NKAIN2: variants seen among roughly 807,000 people sequenced by gnomAD.
NKAIN2 encodes sodium/potassium transporting ATPase interacting 2.
NKAIN2 carries 14 observed loss-of-function variants against 32.6 expected under a neutral mutation model. The observed-to-expected ratio is 0.43, with a 90% CI of 0.28 to 0.67. The LOEUF is 0.67. NKAIN2 is among the 30% of genes least tolerant of loss of function. The pLI is 0.17. For synonymous variants in NKAIN2, 80 were observed against 87.2 expected, an observed-to-expected ratio of 0.92 and a Z score of 0.46; for missense variants, 198 against 258.3, an observed-to-expected ratio of 0.77 and a Z score of 1.60.
intron 1 of NKAIN2, among the ~76,000 whole-genome samples, chr6:124,172,571 T>C (rs936122940): frequency 3.9e-5 from 6 of 152,174 alleles, no homozygotes; most frequent in Non-Finnish European, 8.8e-5. Context: ...TATATCATTC[T>C]TGTGGAAGGA....
chr6:124,114,825 G>A (rs564427934), intron 1 of NKAIN2, among the ~76,000 whole-genome samples: 16 of 152,130 alleles, frequency 1.1e-4, no homozygotes, highest in Non-Finnish European at 1.6e-4. Flanking sequence ...AAAGGTTGTG[G>A]TCAGAGGGTG....
intron 2 of NKAIN2, among the ~76,000 whole-genome samples, chr6:124,299,984 T>A (rs191147630): frequency 1.9e-4 from 29 of 152,320 alleles, no homozygotes; most frequent in African/African-American, 6.3e-4. Context: ...GACTGGCATA[T>A]CTCAAATCAG....
intron 1 of NKAIN2, among the ~76,000 whole-genome samples, chr6:124,120,437 T>C (rs773071781): frequency 5.3e-5 from 8 of 152,150 alleles, no homozygotes; most frequent in African/African-American, 9.7e-5. Flanking sequence ...TGAAAACTTA[T>C]AGGCAACAGG....
chr6:124,550,767 G>T (rs1780258789), intron 3 of NKAIN2, among the ~76,000 whole-genome samples: 1 of 152,192 alleles, frequency 6.6e-6, no homozygotes, highest in Non-Finnish European at 1.5e-5. Flanking sequence ...ATAGAAACTT[G>T]AGACACTATT....
At chr6:124,408,844 C>G (rs552667255) in intron 3 of NKAIN2, among the ~76,000 whole-genome samples, 33 of 152,252 alleles carry the variant, frequency 2.2e-4, no homozygotes, top group Admixed American at 2.0e-3. Flanking sequence ...GAATGTTCCT[C>G]CATTTGTTTA....
At chr6:124,157,176 T>C (rs982144627) in intron 1 of NKAIN2, among the ~76,000 whole-genome samples, 2 of 146,090 alleles carry the variant, frequency 1.4e-5, no homozygotes, top group Non-Finnish European at 3.0e-5. Flanking sequence ...CACAGAGATA[T>C]TCTTGGGATA....
At position 124,213,910 on chromosome 6, in the gene NKAIN2, C is replaced by T. The variant is rs147267097; in HGVS notation, c.55-69095C>T. Among the ~76,000 whole-genome samples, 1,193 of 152,232 alleles carry T rather than the reference C, an allele frequency of 7.8e-3. 16 individuals carry two copies. Among genetic ancestry groups the T allele is most frequent in the African/African-American group, 0.026 (1,098 of 41,570 alleles). On this transcript the variant is annotated intron_variant, in intron 1 of 6. Transcript: ENST00000368417. ...CAAGGAATATCCACATGAAACTCGG[C>T]ATTTTCAACAATAATGTGAGAAAAT...
chr6:123,894,618 T>C (rs1328498202), intron 1 of NKAIN2, among the ~76,000 whole-genome samples: 1 of 151,832 alleles, frequency 6.6e-6, no homozygotes, highest in South Asian at 2.1e-4. Context: ...GCACCAGTCA[T>C]GGAGAAAGAG....
chr6:123,959,810 G>A (rs1189595025), intron 1 of NKAIN2, among the ~76,000 whole-genome samples: 1 of 151,304 alleles, frequency 6.6e-6, no homozygotes, highest in Non-Finnish European at 1.5e-5. Flanking sequence ...TATGAGGGCT[G>A]TATATGGGGG....
chr6:124,279,456 G>A (rs7752057), intron 1 of NKAIN2, among the ~76,000 whole-genome samples: 12,628 of 143,010 alleles, frequency 0.088, 693 homozygotes, highest in East Asian at 0.18. Context: ...GCAGTGAGCC[G>A]AGATCACACC....
At chr6:124,489,087 A>G (rs914713245) in intron 3 of NKAIN2, among the ~76,000 whole-genome samples, 12 of 152,094 alleles carry the variant, frequency 7.9e-5, no homozygotes, top group Admixed American at 1.3e-4. Context: ...ATTGTCTAGA[A>G]TAATACAAGG....
At chr6:123,917,252 A>AT (rs545034856) in intron 1 of NKAIN2, among the ~76,000 whole-genome samples, 92 of 149,756 alleles carry the variant, frequency 6.1e-4, no homozygotes, top group African/African-American at 2.1e-3. Flanking sequence ...TTTTTTTTTT[A>AT]TTTTTCCATT....
chr6:124,665,089 C>T (rs1772724879), intron 4 of NKAIN2, among the ~76,000 whole-genome samples: 1 of 151,672 alleles, frequency 6.6e-6, no homozygotes, highest in Admixed American at 6.6e-5. Context: ...CCATACTACC[C>T]AAAGAAATCT....
chr6:124,441,017 T>G (rs1352102769), intron 3 of NKAIN2, among the ~76,000 whole-genome samples: 2 of 152,112 alleles, frequency 1.3e-5, no homozygotes, highest in East Asian at 3.9e-4. Flanking sequence ...TTGTCATCCT[T>G]TCTGGGTATC....
At chr6:124,654,085 A>G (rs970715541) in intron 3 of NKAIN2, among the ~76,000 whole-genome samples, 2 of 152,184 alleles carry the variant, frequency 1.3e-5, no homozygotes, top group Admixed American at 6.5e-5. Flanking sequence ...CACACATTTC[A>G]TACTAGAAAT....
rs530592046 is a variant in NKAIN2 at position 124,279,978 on chromosome 6, G to A, written c.55-3027G>A. Reference sequence around the variant, plus strand: ...AGAATTGAAAGCAACCAAATTATGCGTTAATAATGTTGTGATCTGTGCAAG... The same window carrying A: ...AGAATTGAAAGCAACCAAATTATGCATTAATAATGTTGTGATCTGTGCAAG... On this transcript the variant is annotated intron_variant, in intron 1 of 6. Coordinates refer to ENST00000368417, the MANE Select transcript of NKAIN2 (RefSeq NM_001040214.3). Among the ~76,000 whole-genome samples, 4 of 152,198 alleles carry A rather than the reference G, an allele frequency of 2.6e-5. No individual in the cohort carries two copies. In the South Asian group the frequency reaches 6.2e-4, roughly 24 times the overall value.
chr6:124,623,357 A>G (rs867587913), intron 3 of NKAIN2, among the ~76,000 whole-genome samples: 1 of 152,234 alleles, frequency 6.6e-6, no homozygotes, highest in Non-Finnish European at 1.5e-5. Flanking sequence ...ATACTAAATT[A>G]TGAGAGCAGG....
At chr6:124,392,403 A>G (rs1472077673) in intron 3 of NKAIN2, among the ~76,000 whole-genome samples, 1 of 152,160 alleles carries the variant, frequency 6.6e-6, no homozygotes, top group Non-Finnish European at 1.5e-5. Context: ...CTTCTTAGCT[A>G]CAGGCACAGA....
intron 1 of NKAIN2, among the ~76,000 whole-genome samples, chr6:124,274,116 T>C (rs1360385471): frequency 6.6e-6 from 1 of 152,174 alleles, no homozygotes; most frequent in Non-Finnish European, 1.5e-5. Flanking sequence ...TAAAATTATT[T>C]TATAGTACAA....
Sources: allele counts gnomAD v4.1 joint callset (sites outside exome capture counted in the v4.1 genomes callset), GRCh38; gene constraint gnomAD v4.1.1; transcripts MANE v1.5; gene names NCBI Gene and HGNC (gene_info 2026-07-23, HGNC 2026-07-21).